ZSCAN25: variants seen among roughly 807,000 people sequenced by gnomAD.
ZSCAN25 encodes zinc finger and SCAN domain containing 25.
ZSCAN25 carries 27 observed loss-of-function variants against 38.7 expected under a neutral mutation model. The ratio of observed to expected loss-of-function variants is 0.70; its 90% CI spans 0.51 to 0.96. ZSCAN25 has a LOEUF of 0.96. Ranked by LOEUF, ZSCAN25 falls within the 40% of genes least tolerant of loss-of-function variation. ZSCAN25 has a pLI of 0.00. For synonymous variants in ZSCAN25, 273 were observed against 277.7 expected (o/e 0.98, Z 0.17); for missense variants, 637 against 705.9 (o/e 0.90, Z 1.11).
chr7:99,663,056 G>T, the ZSCAN25 span: 1 of 1,341,246 alleles, frequency 7.5e-7, no homozygotes, highest in Non-Finnish European at 9.6e-7. Flanking sequence ...CTAAATCCTT[G>T]GAAAGCAGGA....
At chr7:99,718,124 G>T in the ZSCAN25 span, among the ~76,000 whole-genome samples, 21 of 152,238 alleles carry the variant, frequency 1.4e-4, no homozygotes, top group African/African-American at 5.1e-4. Flanking sequence ...GCCTGTTGTG[G>T]GGTGGGGAGA....
intron 1 of ZSCAN25, among the ~76,000 whole-genome samples, chr7:99,617,229 G>A (rs2151240221): frequency 6.6e-6 from 1 of 152,342 alleles, no homozygotes; most frequent in Admixed American, 6.5e-5. Flanking sequence ...GGGCCGCCGC[G>A]CTGTAGGCTC....
At chr7:99,684,925 G>C in the ZSCAN25 span, 1 of 376,092 alleles carries the variant, frequency 2.7e-6, no homozygotes, top group Non-Finnish European at 4.8e-6. Context: ...TACTTCCCAA[G>C]CACTGATTTG....
the ZSCAN25 span, among the ~76,000 whole-genome samples, chr7:99,651,675 C>T: frequency 6.6e-6 from 1 of 152,218 alleles, no homozygotes; most frequent in Admixed American, 6.5e-5. Flanking sequence ...CATCCTGAAT[C>T]ACCAGCCAGT....
the ZSCAN25 span, chr7:99,699,985 A>G: frequency 1.2e-6 from 2 of 1,610,178 alleles, no homozygotes; most frequent in Non-Finnish European, 1.7e-6. Context: ...CACAAGGCTG[A>G]CAGCCAGGAG....
chr7:99,686,307 T>C, the ZSCAN25 span, among the ~76,000 whole-genome samples: 5 of 152,156 alleles, frequency 3.3e-5, no homozygotes, highest in African/African-American at 1.2e-4. Context: ...ACTCCCACCC[T>C]AATACTGTGC....
the ZSCAN25 span, among the ~76,000 whole-genome samples, chr7:99,651,538 A>G: frequency 2.0e-5 from 3 of 152,144 alleles, no homozygotes; most frequent in Non-Finnish European, 4.4e-5. Flanking sequence ...GTCAGCTCTG[A>G]CTTACTCTGT....
At chr7:99,624,245 G>A in intron 7 of ZSCAN25, 65 bp downstream of exon 7, 1 of 1,605,478 alleles carries the variant, frequency 6.2e-7, no homozygotes, top group Non-Finnish European at 8.5e-7. Context: ...CAGGGGTCCT[G>A]CCGTAGCTCT....
chr7:99,645,475 A>T, the ZSCAN25 span, among the ~76,000 whole-genome samples: 1 of 152,042 alleles, frequency 6.6e-6, no homozygotes, highest in Non-Finnish European at 1.5e-5. Context: ...ATACCCAGTA[A>T]TGGGATTGCT....
the ZSCAN25 span, among the ~76,000 whole-genome samples, chr7:99,691,440 T>TAATAAAATAAAATAA: frequency 1.2e-4 from 18 of 151,806 alleles, no homozygotes; most frequent in East Asian, 3.9e-4. Flanking sequence ...ACTTAAATAA[T>TAATAAAATAAAATAA]AATAAAATAA....
chr7:99,638,738 C>G, the ZSCAN25 span: 1 of 1,226,206 alleles, frequency 8.2e-7, no homozygotes. Flanking sequence ...TCCTTGTTCC[C>G]GAAGATTTTG....
the ZSCAN25 span, among the ~76,000 whole-genome samples, chr7:99,699,806 G>T: frequency 6.6e-6 from 1 of 152,156 alleles, no homozygotes; most frequent in Non-Finnish European, 1.5e-5. Context: ...TCATAAATCT[G>T]CATAAGATCA....
chr7:99,683,543 A>G, the ZSCAN25 span, among the ~76,000 whole-genome samples: 1 of 152,160 alleles, frequency 6.6e-6, no homozygotes, highest in East Asian at 1.9e-4. Flanking sequence ...AAAGTGACAC[A>G]CCTGGCTTCC....
rs756047837 is a variant in ZSCAN25, at chr7:99,619,940, G to A, written c.334G>A (p.Ala112Thr). ...GGAGCATGGCCCAGAGAGTGGCAAG[G>A]CCCTGGCCGCCATGGTGGAGGACCT... The part of the protein sequence containing the change: ...IREHGPESGK[A>T]LAAMVEDLTE... Residue 112 changes from alanine (A) to threonine (T), a missense_variant, in exon 4 of 8, where the codon GCC becomes ACC. By Grantham distance (58) the Ala-to-Thr change is moderately conservative. Transcript: ENST00000394152. The A allele has an allele frequency of 1.2e-6, 2 of 1,614,190 alleles. No individual in the cohort carries two copies. Among genetic ancestry groups the A allele is most frequent in the Non-Finnish European group, 1.7e-6 (2 of 1,180,052 alleles).
chr7:99,687,784 A>C, the ZSCAN25 span, among the ~76,000 whole-genome samples: 3 of 152,200 alleles, frequency 2.0e-5, no homozygotes, highest in Non-Finnish European at 4.4e-5. Context: ...AGGTCGGGTT[A>C]CCCACAAAGG....
At chr7:99,694,909 A>G in the ZSCAN25 span, among the ~76,000 whole-genome samples, 1 of 152,202 alleles carries the variant, frequency 6.6e-6, no homozygotes, top group Non-Finnish European at 1.5e-5. Context: ...CATTTTATTC[A>G]GCAAAATTAA....
the ZSCAN25 span, among the ~76,000 whole-genome samples, chr7:99,734,350 T>G: frequency 6.6e-6 from 1 of 152,200 alleles, no homozygotes; most frequent in African/African-American, 2.4e-5. Flanking sequence ...TGCCAGGATC[T>G]CACTGGTGAG....
At chr7:99,716,555 A>G in the ZSCAN25 span, among the ~76,000 whole-genome samples, 2 of 152,198 alleles carry the variant, frequency 1.3e-5, no homozygotes, top group Non-Finnish European at 2.9e-5. Flanking sequence ...GGAAACTTCT[A>G]TAGTGAGTGA....
At chr7:99,671,963 A>T in the ZSCAN25 span, 1 of 667,884 alleles carries the variant, frequency 1.5e-6, no homozygotes, top group Non-Finnish European at 2.7e-6. Flanking sequence ...AAATCTGAAA[A>T]GCTCTGTAAA....
Sources: allele counts gnomAD v4.1 joint callset (sites outside exome capture counted in the v4.1 genomes callset), GRCh38; gene constraint gnomAD v4.1.1; transcripts MANE v1.5; gene names NCBI Gene and HGNC (gene_info 2026-07-23, HGNC 2026-07-21).